The following SUMF1 variants were observed in gnomAD, a reference collection of about 807,000 sequenced individuals.
The protein encoded by SUMF1 is formylglycine-generating enzyme.
A neutral mutation model predicts 47.6 loss-of-function variants in SUMF1; 48 were observed. That is an observed-to-expected ratio of 1.01 (90% CI 0.80 to 1.28). SUMF1 has a LOEUF of 1.28. Among genes scored for constraint, SUMF1 ranks in the 50% most tolerant of loss-of-function variants. The pLI is 0.00. For missense variants in SUMF1, 571 were observed against 485.4 expected (o/e 1.18, Z -1.66); for synonymous variants, 230 against 192.1 (o/e 1.20, Z -1.63).
chr3:4,040,111 G>C (rs1001894252), intron 9 of SUMF1, among the ~76,000 whole-genome samples: 1 of 152,090 alleles, frequency 6.6e-6, no homozygotes, highest in East Asian at 1.9e-4. Flanking sequence ...ACTATGTAAG[G>C]TGATAGATAT....
intron 3 of SUMF1, among the ~76,000 whole-genome samples, chr3:4,425,721 G>C (rs1240389107): frequency 6.6e-6 from 1 of 152,188 alleles, no homozygotes; most frequent in Non-Finnish European, 1.5e-5. Context: ...GGCAAGGGGA[G>C]TGTATTAGTC....
At chr3:4,106,244 A>G (rs554863865) in intron 8 of SUMF1, among the ~76,000 whole-genome samples, 2 of 152,254 alleles carry the variant, frequency 1.3e-5, no homozygotes, top group African/African-American at 4.8e-5. Context: ...TCAAAATGGA[A>G]TTTTAACAGT....
intron 8 of SUMF1, among the ~76,000 whole-genome samples, chr3:4,081,791 CA>C (rs1340211551): frequency 6.6e-6 from 1 of 152,110 alleles, no homozygotes; most frequent in African/African-American, 2.4e-5. Context: ...CAACTAGGTG[CA>C]GCCACAAAAG....
At chr3:4,307,870 C>A (rs1698252287) in intron 8 of SUMF1, among the ~76,000 whole-genome samples, 1 of 151,910 alleles carries the variant, frequency 6.6e-6, no homozygotes, top group Non-Finnish European at 1.5e-5. Flanking sequence ...AAAGTGAGAC[C>A]CCATCTCTAC....
intron 9 of SUMF1, among the ~76,000 whole-genome samples, chr3:4,052,764 C>G (rs559404432): frequency 1.3e-4 from 20 of 152,234 alleles, no homozygotes; most frequent in African/African-American, 4.6e-4. Context: ...TGGTCCTAGA[C>G]CACAATAAAG....
At chr3:4,363,087 T>TA (rs1699822198) in intron 8 of SUMF1, among the ~76,000 whole-genome samples, 1 of 152,204 alleles carries the variant, frequency 6.6e-6, no homozygotes, top group South Asian at 2.1e-4. Flanking sequence ...TCATGTTTCC[T>TA]ATATGAAACC....
intron 8 of SUMF1, among the ~76,000 whole-genome samples, chr3:4,212,023 C>G (rs1695809635): frequency 6.6e-6 from 1 of 152,182 alleles, no homozygotes; most frequent in African/African-American, 2.4e-5. Context: ...GTAAACGTCC[C>G]TGCCTGATGG....
At chr3:4,406,604 G>A (rs769111671) in intron 7 of SUMF1, among the ~76,000 whole-genome samples, 1 of 152,220 alleles carries the variant, frequency 6.6e-6, no homozygotes, top group Non-Finnish European at 1.5e-5. Flanking sequence ...AGGTTGCAGT[G>A]AGCCAAGACT....
intron 8 of SUMF1, among the ~76,000 whole-genome samples, chr3:4,196,153 A>G (rs996455604): frequency 2.6e-5 from 4 of 152,242 alleles, no homozygotes; most frequent in Non-Finnish European, 5.9e-5. Flanking sequence ...GGAAGTCCAG[A>G]AGCATGCAGT....
chr3:4,276,424 TCAG>T (rs1406505655), intron 8 of SUMF1, among the ~76,000 whole-genome samples: 1 of 152,158 alleles, frequency 6.6e-6, no homozygotes, highest in Non-Finnish European at 1.5e-5. Context: ...TAATTAAAAA[TCAG>T]CAGAATATTC....
chr3:4,162,172 G>C (rs1163907690), intron 8 of SUMF1, among the ~76,000 whole-genome samples: 1 of 152,104 alleles, frequency 6.6e-6, no homozygotes, highest in African/African-American at 2.4e-5. Flanking sequence ...TGGCTGAGCT[G>C]ATATCCAAGT....
intron 8 of SUMF1, among the ~76,000 whole-genome samples, chr3:4,079,076 G>A (rs895871062): frequency 2.6e-5 from 4 of 151,980 alleles, no homozygotes; most frequent in East Asian, 3.9e-4. Flanking sequence ...GCAGTTCTGC[G>A]TGAGTCGCCT....
intron 8 of SUMF1, among the ~76,000 whole-genome samples, chr3:4,115,856 C>G (rs534820181): frequency 5.1e-4 from 77 of 152,136 alleles, no homozygotes; most frequent in Admixed American, 8.5e-4. Context: ...TTGTAAACGA[C>G]TAAATTGGGG....
At chr3:4,182,576 A>C (rs1220747344) in intron 8 of SUMF1, among the ~76,000 whole-genome samples, 4 of 152,094 alleles carry the variant, frequency 2.6e-5, no homozygotes, top group African/African-American at 9.7e-5. Flanking sequence ...AGAATAGTTC[A>C]ATAGGCTTTG....
intron 9 of SUMF1, among the ~76,000 whole-genome samples, chr3:4,043,340 A>T (rs1240915079): frequency 6.6e-6 from 1 of 152,120 alleles, no homozygotes; most frequent in Non-Finnish European, 1.5e-5. Flanking sequence ...ATATCTTTAA[A>T]TTGTACCTTT....
intron 9 of SUMF1, among the ~76,000 whole-genome samples, chr3:4,062,150 G>GA (rs933136040): frequency 4.5e-4 from 68 of 152,074 alleles, no homozygotes; most frequent in African/African-American, 1.5e-3. Flanking sequence ...CAGACTCCCA[G>GA]AAAAAACAAA....
chr3:4,323,244 T>C (rs539860901), intron 8 of SUMF1, among the ~76,000 whole-genome samples: 3 of 152,320 alleles, frequency 2.0e-5, no homozygotes, highest in Non-Finnish European at 2.9e-5. Context: ...TTGATATGGA[T>C]GACCCTTGAA....
At chr3:4,194,266 A>G (rs1695382515) in intron 8 of SUMF1, among the ~76,000 whole-genome samples, 1 of 152,160 alleles carries the variant, frequency 6.6e-6, no homozygotes, top group African/African-American at 2.4e-5. Flanking sequence ...ATGCAAGTGT[A>G]TACTACACAG....
rs1237286859 is a variant in SUMF1 at position 4,362,389 on chromosome 3, GC to G, written c.1015-136del. The stretch of plus-strand genomic sequence containing the variant: ...GCCTGTATGGATACTTAACATGTAT[GC>G]TTTAAAAAGGGCAGCACATTCAAGA... On this transcript the variant is annotated intron_variant, in intron 8 of 8. Coordinates refer to ENST00000272902, the MANE Select transcript of SUMF1 (RefSeq NM_182760.4). 8.1e-6 allele frequency: 6 copies of G among 740,134 alleles called. No individual in the cohort carries two copies. The Admixed American group carries it at 1.2e-4, about 15-fold the overall frequency. 45.8% of individuals were successfully genotyped at this position (740,134 alleles called of 1,614,324 possible). A position where few individuals can be genotyped will look rare whatever the true frequency, so the allele number is the denominator to read the frequency against.
Sources: gnomAD v4.1 joint callset for allele counts (sites outside exome capture counted in the v4.1 genomes callset) on GRCh38, gnomAD v4.1.1 for gene constraint, MANE v1.5 for transcripts, NCBI Gene and HGNC (gene_info 2026-07-23, HGNC 2026-07-21) for gene names.